KCNIP4: variants seen among roughly 807,000 people sequenced by gnomAD.
KCNIP4 encodes potassium voltage-gated channel interacting protein 4, also known as Kv channel-interacting protein 4.
A neutral mutation model predicts 34.0 loss-of-function variants in KCNIP4; 12 were observed. That is an observed-to-expected ratio of 0.35 (90% confidence interval 0.23 to 0.57). The LOEUF (loss-of-function observed/expected upper bound fraction) is 0.57. Ranked by LOEUF, KCNIP4 falls within the 20% of genes least tolerant of loss-of-function variation. The pLI is 0.83. For missense variants in KCNIP4, 238 were observed against 311.7 expected (o/e 0.76, Z 1.78); for synonymous variants, 124 against 102.2 (o/e 1.21, Z -1.29).
At chr4:20,959,464 A>C (rs1480355449) in intron 1 of KCNIP4, among the ~76,000 whole-genome samples, 2 of 152,202 alleles carry the variant, frequency 1.3e-5, no homozygotes, top group African/African-American at 4.8e-5. Flanking sequence ...ATGGATGAGA[A>C]TTGTTGAAAG....
intron 3 of KCNIP4, among the ~76,000 whole-genome samples, chr4:20,810,614 T>A (rs746398154): frequency 6.6e-6 from 1 of 152,138 alleles, no homozygotes; most frequent in African/African-American, 2.4e-5. Flanking sequence ...TCCATGTGAA[T>A]GTAGATATTA....
At chr4:20,922,942 T>G (rs1353809159) in intron 1 of KCNIP4, among the ~76,000 whole-genome samples, 1 of 152,162 alleles carries the variant, frequency 6.6e-6, no homozygotes, top group Non-Finnish European at 1.5e-5. Flanking sequence ...TTTTACAGTT[T>G]ATAGTTAAAC....
chr4:21,556,920 C>CAG (rs201479319), intron 1 of KCNIP4, among the ~76,000 whole-genome samples: 1 of 35,664 alleles, frequency 2.8e-5, no homozygotes, highest in Non-Finnish European at 5.6e-5. Flanking sequence ...GACTCCATCT[C>CAG]AGAAAAAAAA....
At chr4:21,946,515 T>A (rs979195770) in intron 1 of KCNIP4, among the ~76,000 whole-genome samples, 3 of 152,202 alleles carry the variant, frequency 2.0e-5, no homozygotes, top group Non-Finnish European at 4.4e-5. Context: ...CATCCCAGGA[T>A]TAGTAAAGAC....
intron 1 of KCNIP4, among the ~76,000 whole-genome samples, chr4:21,736,676 A>G (rs1450730): frequency 1.3e-5 from 2 of 152,146 alleles, no homozygotes; most frequent in Admixed American, 1.3e-4. Flanking sequence ...TACCTCTTCC[A>G]TTATCTGTAT....
intron 1 of KCNIP4, among the ~76,000 whole-genome samples, chr4:21,062,676 C>T (rs1477364584): frequency 6.6e-6 from 1 of 152,054 alleles, no homozygotes; most frequent in Non-Finnish European, 1.5e-5. Flanking sequence ...TTTTGTTTGA[C>T]CCTGAAGCCC....
chr4:21,710,953 C>A (rs1338819749), intron 1 of KCNIP4, among the ~76,000 whole-genome samples: 1 of 152,164 alleles, frequency 6.6e-6, no homozygotes, highest in Non-Finnish European at 1.5e-5. Flanking sequence ...CAGCCCTGTA[C>A]ACATATCCTC....
chr4:21,246,376 C>T (rs1224983547), intron 1 of KCNIP4, among the ~76,000 whole-genome samples: 1 of 152,184 alleles, frequency 6.6e-6, no homozygotes, highest in Non-Finnish European at 1.5e-5. Context: ...CCCACAAAAC[C>T]TTCAAACACT....
At chr4:21,641,943 T>C (rs1746644777) in intron 1 of KCNIP4, among the ~76,000 whole-genome samples, 1 of 152,148 alleles carries the variant, frequency 6.6e-6, no homozygotes, top group African/African-American at 2.4e-5. Context: ...AGCTACCTGG[T>C]GGCAGGTTGA....
intron 1 of KCNIP4, among the ~76,000 whole-genome samples, chr4:21,871,013 G>T (rs1382961234): frequency 6.6e-6 from 1 of 151,562 alleles, no homozygotes; most frequent in African/African-American, 2.4e-5. Flanking sequence ...AAAAACATGT[G>T]GTTGACAAAA....
chr4:20,919,026 C>G (rs544726621), intron 1 of KCNIP4, among the ~76,000 whole-genome samples: 30 of 152,168 alleles, frequency 2.0e-4, no homozygotes, highest in Non-Finnish European at 3.8e-4. Context: ...AACCTATTTT[C>G]TTTTCTTGTT....
intron 3 of KCNIP4, among the ~76,000 whole-genome samples, chr4:20,786,271 A>G (rs968658594): frequency 1.3e-5 from 2 of 152,154 alleles, no homozygotes; most frequent in African/African-American, 4.8e-5. Flanking sequence ...AAAGATGAGA[A>G]CAAGAGACAC....
intron 1 of KCNIP4, among the ~76,000 whole-genome samples, chr4:21,608,245 TG>T (rs1156631908): frequency 6.6e-6 from 1 of 152,134 alleles, no homozygotes; most frequent in Non-Finnish European, 1.5e-5. Context: ...AGAAGTCCAG[TG>T]GTCACTGCCA....
chr4:21,250,742 C>T (rs1017249495), intron 1 of KCNIP4, among the ~76,000 whole-genome samples: 2 of 151,926 alleles, frequency 1.3e-5, no homozygotes, highest in African/African-American at 4.8e-5. Flanking sequence ...AAAACATAGT[C>T]AACAACTACC....
chr4:20,963,438 T>G (rs1232650774), intron 1 of KCNIP4, among the ~76,000 whole-genome samples: 1 of 147,130 alleles, frequency 6.8e-6, no homozygotes, highest in African/African-American at 2.5e-5. Flanking sequence ...ATATGAACAC[T>G]TTTTTTTTAA....
intron 1 of KCNIP4, among the ~76,000 whole-genome samples, chr4:21,000,132 T>G (rs1577512002): frequency 6.6e-6 from 1 of 152,170 alleles, no homozygotes; most frequent in East Asian, 1.9e-4. Flanking sequence ...ATACCATCGA[T>G]TCCAGCAGGT....
intron 1 of KCNIP4, among the ~76,000 whole-genome samples, chr4:21,266,720 C>T (rs1452388413): frequency 6.6e-6 from 1 of 152,160 alleles, no homozygotes; most frequent in Non-Finnish European, 1.5e-5. Context: ...AGTACTTCAG[C>T]ATAGCTGGAA....
chr4:21,888,329 A>C (rs766494488), intron 1 of KCNIP4, among the ~76,000 whole-genome samples: 2 of 152,130 alleles, frequency 1.3e-5, no homozygotes, highest in Non-Finnish European at 2.9e-5. Flanking sequence ...CCTCTGTGGA[A>C]CATTATGCAA....
chr4:20,920,996 A>G (rs1729344465), intron 1 of KCNIP4, among the ~76,000 whole-genome samples: 2 of 152,030 alleles, frequency 1.3e-5, no homozygotes, highest in Admixed American at 6.5e-5. Flanking sequence ...CAAAAACAAA[A>G]ATAAAATAAA....
Sources: allele counts gnomAD v4.1 joint callset (sites outside exome capture counted in the v4.1 genomes callset), GRCh38; gene constraint gnomAD v4.1.1; transcripts MANE v1.5; gene names NCBI Gene and HGNC (gene_info 2026-07-23, HGNC 2026-07-21).